HIPK3: variants seen among roughly 807,000 people sequenced by gnomAD.
HIPK3 encodes homeodomain-interacting protein kinase 3.
A neutral mutation model predicts 124.2 loss-of-function variants in HIPK3; 47 were observed. That is an observed-to-expected ratio of 0.38 (90% confidence interval 0.30 to 0.48). The LOEUF (loss-of-function observed/expected upper bound fraction) is 0.48. Among genes scored for constraint, HIPK3 ranks in the 20% least tolerant of loss-of-function variants. The pLI, the probability that HIPK3 is intolerant of heterozygous loss-of-function variation, is 0.98. For missense variants in HIPK3, 1,286 were observed against 1,454.3 expected, an observed-to-expected ratio of 0.88 and a Z score of 1.88; for synonymous variants, 482 against 515.2, an observed-to-expected ratio of 0.94 and a Z score of 0.87.
At chr11:33,331,041 G>A (rs1054897611) in intron 3 of HIPK3, among the ~76,000 whole-genome samples, 1 of 152,002 alleles carries the variant, frequency 6.6e-6, no homozygotes, top group East Asian at 1.9e-4. Context: ...GTGCCACCAT[G>A]CCTGGCTAAT....
chr11:33,345,264 G>A (rs1221713004), intron 8 of HIPK3, among the ~76,000 whole-genome samples: 1 of 151,920 alleles, frequency 6.6e-6, no homozygotes, highest in Non-Finnish European at 1.5e-5. Flanking sequence ...TGAAAAGTTA[G>A]GTATTCATCC....
chr11:33,300,775 C>A (rs933434963), intron 2 of HIPK3, among the ~76,000 whole-genome samples: 1 of 152,064 alleles, frequency 6.6e-6, no homozygotes, highest in Non-Finnish European at 1.5e-5. Context: ...CACTCAGTCA[C>A]CCAGACTGGA....
Position 33,281,058 on chromosome 11 carries a change from C to CTTTTTT in HIPK3, c.-2-5331_-2-5326dup, listed in dbSNP as rs56902582. Among the ~76,000 whole-genome samples, 168 of 111,750 alleles carry CTTTTTT rather than the reference C, an allele frequency of 1.5e-3. 15 individuals carry two copies. Among genetic ancestry groups the CTTTTTT allele is most frequent in the East Asian group, 9.0e-3 (32 of 3,560 alleles). 73.3% of individuals were successfully genotyped at this position (111,750 alleles called of 152,430 possible). On this transcript the variant is annotated intron_variant, in intron 1 of 16. Transcript: ENST00000303296. ...TTTATGTGTATATTTACTTATTTGA[C>CTTTTTT]TTTTTTTTTTTTTTTTTTTTTTTTT...
At chr11:33,338,702 G>C in intron 4 of HIPK3, 55 bp from the exon 5 acceptor site, 1 of 1,141,530 alleles carries the variant, frequency 8.8e-7, no homozygotes, top group Non-Finnish European at 1.3e-6. Flanking sequence ...AATGTGCCAG[G>C]ATTAAAGAAA....
intron 8 of HIPK3, among the ~76,000 whole-genome samples, chr11:33,344,304 A>G (rs142090173): frequency 6.6e-6 from 1 of 152,316 alleles, no homozygotes; most frequent in African/African-American, 2.4e-5. Flanking sequence ...AATCTGTACT[A>G]ACAAGTAGGT....
chr11:33,258,718 T>C, intron 1 of HIPK3: 1 of 985,216 alleles, frequency 1.0e-6, no homozygotes, highest in Non-Finnish European at 1.2e-6. Flanking sequence ...AATCCTGTTG[T>C]TCCCGTCTCA....
chr11:33,314,654 T>TCA (rs369474312), intron 2 of HIPK3, among the ~76,000 whole-genome samples: 25 of 151,634 alleles, frequency 1.6e-4, no homozygotes, highest in Admixed American at 3.3e-4. Flanking sequence ...AGACTCCATC[T>TCA]CACACACACA....
intron 8 of HIPK3, 61 bp downstream of exon 8, chr11:33,341,747 G>T: frequency 6.9e-7 from 1 of 1,440,336 alleles, no homozygotes; most frequent in Admixed American, 2.0e-5. Context: ...AATAAGTTTA[G>T]GAATCTGTTC....
rs1853266698 is a variant in HIPK3, at chr11:33,339,506, C to T, written c.1585C>T (p.His529Tyr). 1 of 1,605,256 alleles carries T rather than the reference C, an allele frequency of 6.2e-7. No individual in the cohort carries two copies. Among genetic ancestry groups the T allele is most frequent in the South Asian group, 1.1e-5 (1 of 90,012 alleles). ...GAACCATCCTTTTGTTAATATGAAA[C>T]ATCTTCTAGATTTCCCTCATAGCAA... ...TLNHPFVNMK[H>Y]LLDFPHSNHV... The change falls in exon 6 of 17, where the codon CAT becomes TAT. Residue 529 changes from histidine (H) to tyrosine (Y), a missense_variant. Around this residue, in one of 3 missense-constraint regions of HIPK3, gnomAD observed 810 missense variants for 864.9 expected, o/e 0.94. Transcript: ENST00000303296.
At chr11:33,321,349 T>C (rs1268060534) in intron 2 of HIPK3, among the ~76,000 whole-genome samples, 1 of 152,098 alleles carries the variant, frequency 6.6e-6, no homozygotes, top group Middle Eastern at 3.2e-3. Flanking sequence ...TCAAGAAGGA[T>C]TGGTGTAAAA....
intron 2 of HIPK3, among the ~76,000 whole-genome samples, chr11:33,306,189 C>T (rs932558206): frequency 2.6e-5 from 4 of 151,832 alleles, no homozygotes; most frequent in South Asian, 2.1e-4. Flanking sequence ...TTAATTTTTA[C>T]GTGTATGTTA....
At chr11:33,327,740 A>G (rs1852854650) in intron 2 of HIPK3, among the ~76,000 whole-genome samples, 1 of 152,234 alleles carries the variant, frequency 6.6e-6, no homozygotes, top group South Asian at 2.1e-4. Flanking sequence ...AATTAAACAC[A>G]TGCACACTAA....
chr11:33,295,207 G>A (rs1851806551), intron 2 of HIPK3, among the ~76,000 whole-genome samples: 1 of 151,694 alleles, frequency 6.6e-6, no homozygotes, highest in South Asian at 2.1e-4. Context: ...TAGAGGCTGT[G>A]CCCAGGAGAC....
chr11:33,265,807 CG>C (rs1850941777), intron 1 of HIPK3, among the ~76,000 whole-genome samples: 3 of 145,336 alleles, frequency 2.1e-5, no homozygotes, highest in African/African-American at 7.6e-5. Flanking sequence ...CAAAATGGGC[CG>C]GGCACGGTGG....
At chr11:33,332,593 T>C (rs1249263519) in intron 3 of HIPK3, among the ~76,000 whole-genome samples, 2 of 152,190 alleles carry the variant, frequency 1.3e-5, no homozygotes, top group African/African-American at 4.8e-5. Flanking sequence ...CAACTAAGAG[T>C]CTGACTTTAT....
intron 1 of HIPK3, among the ~76,000 whole-genome samples, chr11:33,265,922 A>G (rs916886705): frequency 2.6e-5 from 4 of 151,586 alleles, no homozygotes; most frequent in Admixed American, 6.6e-5. Flanking sequence ...AGACTCTACT[A>G]AAAACAAAAA....
intron 3 of HIPK3, 73 bp downstream of exon 3, chr11:33,328,706 C>A: frequency 1.4e-6 from 2 of 1,387,304 alleles, no homozygotes; most frequent in Non-Finnish European, 2.0e-6. Context: ...GAACACATGG[C>A]TGCAGGTGTA....
chr11:33,304,275 C>T (rs921146097), intron 2 of HIPK3, among the ~76,000 whole-genome samples: 8 of 152,118 alleles, frequency 5.3e-5, no homozygotes, highest in South Asian at 2.1e-4. Context: ...GTAATGGAAG[C>T]GGGCAGGCGC....
chr11:33,308,866 A>C (rs1054038263), intron 2 of HIPK3, among the ~76,000 whole-genome samples: 1 of 148,156 alleles, frequency 6.7e-6, no homozygotes, highest in Non-Finnish European at 1.5e-5. Context: ...TACTTTTTTT[A>C]TATTTCCTTT....
Sources: gnomAD v4.1 joint callset for allele counts (sites outside exome capture counted in the v4.1 genomes callset) on GRCh38, gnomAD v4.1.1 for gene constraint, gnomAD v4.1.1 regional missense constraint, MANE v1.5 for transcripts, NCBI Gene and HGNC (gene_info 2026-07-23, HGNC 2026-07-21) for gene names.